FHIT: variants seen among roughly 807,000 people sequenced by gnomAD.
FHIT encodes the protein fragile histidine triad diadenosine triphosphatase.
Under a neutral mutation model 17.9 loss-of-function variants are expected in FHIT, and 19 were observed. That is an observed-to-expected ratio of 1.06 (90% CI 0.74 to 1.56). The LOEUF (loss-of-function observed/expected upper bound fraction) is 1.56, where lower values mean the gene tolerates loss of function less well. FHIT is among the 40% of genes most tolerant of loss of function. The pLI is 0.00. For synonymous variants in FHIT, 81 were observed against 69.7 expected, an observed-to-expected ratio of 1.16 and a Z score of -0.81; for missense variants, 248 against 189.2, an observed-to-expected ratio of 1.31 and a Z score of -1.82.
chr3:60,015,417 G>A (rs1488619034), intron 5 of FHIT, among the ~76,000 whole-genome samples: 5 of 152,250 alleles, frequency 3.3e-5, no homozygotes, highest in Middle Eastern at 3.4e-3. Context: ...GAAGGGAGGC[G>A]TTCACCCACA....
intron 5 of FHIT, among the ~76,000 whole-genome samples, chr3:60,430,817 G>T (rs1702860257): frequency 6.6e-6 from 1 of 152,032 alleles, no homozygotes; most frequent in Non-Finnish European, 1.5e-5. Flanking sequence ...GCTTCCAGCA[G>T]TTTTCATTCC....
chr3:60,528,605 T>C (rs1321194151), intron 5 of FHIT, among the ~76,000 whole-genome samples: 3 of 152,206 alleles, frequency 2.0e-5, no homozygotes, highest in Non-Finnish European at 4.4e-5. Flanking sequence ...CAACTATGCT[T>C]GACTTAATTG....
At chr3:61,037,012 C>T (rs1253006720) in intron 3 of FHIT, among the ~76,000 whole-genome samples, 2 of 151,590 alleles carry the variant, frequency 1.3e-5, no homozygotes, top group Non-Finnish European at 2.9e-5. Flanking sequence ...CCCGAGTTCA[C>T]GCCACTCTAC....
At chr3:60,249,059 C>T (rs1231481252) in intron 5 of FHIT, among the ~76,000 whole-genome samples, 1 of 152,022 alleles carries the variant, frequency 6.6e-6, no homozygotes, top group African/African-American at 2.4e-5. Context: ...TTCTTTATGT[C>T]TTCATTTCCT....
chr3:60,025,501 T>C (rs552840332), intron 5 of FHIT, among the ~76,000 whole-genome samples: 1 of 151,222 alleles, frequency 6.6e-6, no homozygotes, highest in African/African-American at 2.4e-5. Context: ...AAGTTCACTC[T>C]GTCTGAGCAA....
At chr3:60,432,652 G>C (rs770337784) in intron 5 of FHIT, among the ~76,000 whole-genome samples, 2 of 151,972 alleles carry the variant, frequency 1.3e-5, no homozygotes, top group Admixed American at 6.6e-5. Flanking sequence ...AATTGAGAAG[G>C]GTCATAGGAT....
intron 1 of FHIT, among the ~76,000 whole-genome samples, chr3:61,210,495 C>T (rs1163016911): frequency 1.3e-5 from 2 of 152,226 alleles, no homozygotes; most frequent in Non-Finnish European, 2.9e-5. Context: ...CTACTCAAGC[C>T]TTGGCAATGG....
At chr3:60,598,276 T>C (rs1450183796) in intron 4 of FHIT, among the ~76,000 whole-genome samples, 1 of 152,110 alleles carries the variant, frequency 6.6e-6, no homozygotes, top group East Asian at 1.9e-4. Context: ...TCAAAATAAT[T>C]AGCAGGAAAG....
intron 3 of FHIT, among the ~76,000 whole-genome samples, chr3:60,899,415 G>A (rs1705988534): frequency 6.6e-6 from 1 of 152,090 alleles, no homozygotes; most frequent in Non-Finnish European, 1.5e-5. Context: ...CCCCCAAAGG[G>A]ACCCCTGCAA....
At chr3:61,048,075 C>G (rs1407883626) in intron 2 of FHIT, among the ~76,000 whole-genome samples, 1 of 151,550 alleles carries the variant, frequency 6.6e-6, no homozygotes. Flanking sequence ...GCAAGGACTT[C>G]ATGTCTAAAA....
chr3:60,065,529 A>G (rs1327858288), intron 5 of FHIT, among the ~76,000 whole-genome samples: 2 of 152,154 alleles, frequency 1.3e-5, no homozygotes, highest in Non-Finnish European at 2.9e-5. Flanking sequence ...AAAGTACCTG[A>G]GAAATTCTGG....
At chr3:60,414,407 C>G (rs1286550559) in intron 5 of FHIT, among the ~76,000 whole-genome samples, 2 of 152,120 alleles carry the variant, frequency 1.3e-5, no homozygotes, top group African/African-American at 4.8e-5. Flanking sequence ...CTCTAGATAC[C>G]CTGACACATG....
intron 1 of FHIT, among the ~76,000 whole-genome samples, chr3:61,245,401 C>G (rs777408887): frequency 2.0e-5 from 3 of 152,154 alleles, no homozygotes; most frequent in Non-Finnish European, 4.4e-5. Flanking sequence ...TTTGCTCTAT[C>G]GAGTCCATTC....
At chr3:60,981,683 A>G (rs1347899387) in intron 3 of FHIT, among the ~76,000 whole-genome samples, 1 of 151,942 alleles carries the variant, frequency 6.6e-6, no homozygotes, top group Non-Finnish European at 1.5e-5. Flanking sequence ...ATCATAGCAC[A>G]CTGTAGCTTC....
At chr3:60,633,054 T>C (rs1329373838) in intron 4 of FHIT, among the ~76,000 whole-genome samples, 1 of 152,208 alleles carries the variant, frequency 6.6e-6, no homozygotes, top group Non-Finnish European at 1.5e-5. Context: ...TTTTACTTCT[T>C]GGGGTGTTAG....
intron 5 of FHIT, among the ~76,000 whole-genome samples, chr3:60,516,020 G>A (rs2035140790): frequency 6.6e-6 from 1 of 152,154 alleles, no homozygotes; most frequent in African/African-American, 2.4e-5. Context: ...ATATAGTGGG[G>A]AAGGCGGGGA....
intron 5 of FHIT, among the ~76,000 whole-genome samples, chr3:60,148,913 C>T (rs1448193025): frequency 6.6e-6 from 1 of 152,166 alleles, no homozygotes; most frequent in Non-Finnish European, 1.5e-5. Flanking sequence ...ACTCTGCTGT[C>T]CTTTCTTCCC....
chr3:59,794,405 T>TA (rs1355836473), intron 8 of FHIT, among the ~76,000 whole-genome samples: 1 of 152,204 alleles, frequency 6.6e-6, no homozygotes, highest in African/African-American at 2.4e-5. Context: ...AGATGAAACT[T>TA]ACAGAGGAGA....
At chr3:60,518,996 C>T (rs534890126) in intron 5 of FHIT, among the ~76,000 whole-genome samples, 16 of 152,280 alleles carry the variant, frequency 1.1e-4, no homozygotes, top group African/African-American at 3.8e-4. Flanking sequence ...CAGAGTGAGA[C>T]TGTCTAAAAA....
Sources: gnomAD v4.1 joint callset for allele counts (sites outside exome capture counted in the v4.1 genomes callset) on GRCh38, gnomAD v4.1.1 for gene constraint, MANE v1.5 for transcripts, NCBI Gene and HGNC (gene_info 2026-07-23, HGNC 2026-07-21) for gene names.